TRAPPC9: variants seen among roughly 807,000 people sequenced by gnomAD.
TRAPPC9 encodes IKK2 binding protein.
Under a neutral mutation model 124.0 loss-of-function variants are expected in TRAPPC9, and 83 were observed. The ratio of observed to expected loss-of-function variants is 0.67; its 90% CI spans 0.56 to 0.80. TRAPPC9 has a LOEUF of 0.80. Among genes scored for constraint, TRAPPC9 ranks in the 30% least tolerant of loss-of-function variants. The probability of loss-of-function intolerance (pLI) is 0.00; values close to 1 mark genes in which losing one functional copy is unlikely to be tolerated. For synonymous variants in TRAPPC9, 638 were observed against 617.5 expected, an observed-to-expected ratio of 1.03 and a Z score of -0.49; for missense variants, 1,302 against 1,508.3, an observed-to-expected ratio of 0.86 and a Z score of 2.27.
intron 2 of TRAPPC9, 90 bp from the exon 3 acceptor site, chr8:140,439,287 T>A: frequency 7.0e-7 from 1 of 1,429,608 alleles, no homozygotes; most frequent in Admixed American, 1.8e-5. Context: ...CTCTCACTAC[T>A]AAAAATGCTA....
At chr8:139,989,222 C>T (rs1156592500) in intron 18 of TRAPPC9, among the ~76,000 whole-genome samples, 1 of 152,220 alleles carries the variant, frequency 6.6e-6, no homozygotes, top group African/African-American at 2.4e-5. Flanking sequence ...GCATACAGTG[C>T]CATTCAAGGA....
intron 21 of TRAPPC9, among the ~76,000 whole-genome samples, chr8:139,767,239 G>C (rs940401788): frequency 6.6e-6 from 1 of 152,230 alleles, no homozygotes; most frequent in African/African-American, 2.4e-5. Context: ...CACACAGCTA[G>C]ACAGGGTACA....
intron 17 of TRAPPC9, among the ~76,000 whole-genome samples, chr8:140,028,966 T>A (rs934778334): frequency 3.9e-5 from 6 of 152,134 alleles, no homozygotes; most frequent in Non-Finnish European, 8.8e-5. Flanking sequence ...TCAATAAATG[T>A]GACAATCCTC....
At chr8:139,971,511 T>A (rs1372065473) in intron 19 of TRAPPC9, among the ~76,000 whole-genome samples, 1 of 151,916 alleles carries the variant, frequency 6.6e-6, no homozygotes, top group Non-Finnish European at 1.5e-5. Flanking sequence ...GGCTGGAGGA[T>A]GAGCCCCTCC....
At chr8:140,272,761 G>A (rs1020185854) in intron 15 of TRAPPC9, among the ~76,000 whole-genome samples, 23 of 151,970 alleles carry the variant, frequency 1.5e-4, no homozygotes, top group East Asian at 5.8e-4. Flanking sequence ...AGGCTCTTTC[G>A]AACAACCAGC....
intron 21 of TRAPPC9, among the ~76,000 whole-genome samples, chr8:139,741,551 T>C (rs191898998): frequency 3.3e-5 from 5 of 152,266 alleles, no homozygotes; most frequent in African/African-American, 1.2e-4. Flanking sequence ...AATTCACCCA[T>C]TTAAAGTGTA....
rs1015824021 is a variant in TRAPPC9 at position 140,451,212 on chromosome 8, G to A, written c.162C>T (p.Tyr54=). ...GTGGGTAGTGGTGCCTGTAGCGGAT[G>A]TAGAGGACTCGCTGGGAGTCCCGCA... ...ISVRDSQRVL[Y]IRYRHHYPPE... Residue 54 remains tyrosine, a synonymous_variant, in exon 2 of 23, where the codon TAC becomes TAT. Coordinates refer to ENST00000438773, the MANE Select transcript of TRAPPC9 (RefSeq NM_001160372.4). The A allele has an allele frequency of 1.2e-6, 2 of 1,614,158 alleles. No individual in the cohort carries two copies. Among genetic ancestry groups the A allele is most frequent in the Non-Finnish European group, 1.7e-6 (2 of 1,180,030 alleles).
chr8:140,099,465 C>CACAGGG (rs1367134605), intron 17 of TRAPPC9: 2 of 150,454 alleles, frequency 1.3e-5, no homozygotes, highest in East Asian at 4.0e-4. Context: ...CACAGCCTTC[C>CACAGGG]ACAGGGGACG....
chr8:140,042,205 ATGTG>A (rs57584807), intron 17 of TRAPPC9, among the ~76,000 whole-genome samples: 82,117 of 149,438 alleles, frequency 0.55, 22,754 homozygotes, highest in Non-Finnish European at 0.63. Context: ...AAAAAAGTGT[ATGTG>A]TGTGTGTGTG....
chr8:139,956,158 G>GTT (rs201084542), intron 19 of TRAPPC9, among the ~76,000 whole-genome samples: 2 of 147,590 alleles, frequency 1.4e-5, no homozygotes, highest in Non-Finnish European at 1.5e-5. Flanking sequence ...ATGTTGTTTC[G>GTT]TTTTTTTTTT....
chr8:140,425,967 G>A (rs1250111517), intron 5 of TRAPPC9, among the ~76,000 whole-genome samples: 13 of 152,356 alleles, frequency 8.5e-5, no homozygotes, highest in African/African-American at 1.2e-4. Flanking sequence ...CAAGATGCAC[G>A]AGGCGATGAA....
intron 17 of TRAPPC9, among the ~76,000 whole-genome samples, chr8:140,127,986 T>G (rs2061129418): frequency 6.6e-6 from 1 of 152,244 alleles, no homozygotes; most frequent in Admixed American, 6.5e-5. Context: ...GGGTGAGTTA[T>G]AAACCAACAG....
intron 18 of TRAPPC9, among the ~76,000 whole-genome samples, chr8:139,990,958 CAGTTG>C (rs892704011): frequency 6.6e-6 from 1 of 152,140 alleles, no homozygotes; most frequent in African/African-American, 2.4e-5. Flanking sequence ...CAGCTCCCAT[CAGTTG>C]AGTCTGGGTT....
At chr8:140,095,724 G>A (rs1844895692) in intron 17 of TRAPPC9, 1 of 152,210 alleles carries the variant, frequency 6.6e-6, no homozygotes, top group Non-Finnish European at 1.5e-5. Flanking sequence ...CTGAGAAGAG[G>A]GTCTTGGGAG....
At chr8:139,926,907 C>T (rs1832853847) in intron 19 of TRAPPC9, among the ~76,000 whole-genome samples, 1 of 152,134 alleles carries the variant, frequency 6.6e-6, no homozygotes, top group African/African-American at 2.4e-5. Flanking sequence ...AATCACAACA[C>T]ATTGATTAGA....
At chr8:140,434,996 A>G (rs2070762390) in intron 4 of TRAPPC9, 116 bp downstream of exon 4, 3 of 1,515,838 alleles carry the variant, frequency 2.0e-6, no homozygotes, top group South Asian at 2.5e-5. Context: ...TACTGACTCA[A>G]CAGATTTTAC....
chr8:140,025,654 A>G (rs1424117505), intron 17 of TRAPPC9, among the ~76,000 whole-genome samples: 1 of 152,170 alleles, frequency 6.6e-6, no homozygotes, highest in East Asian at 1.9e-4. Context: ...TATGTATCTC[A>G]CTAGATTCGT....
At chr8:139,739,083 C>T (rs1001351974) in intron 21 of TRAPPC9, among the ~76,000 whole-genome samples, 5 of 152,192 alleles carry the variant, frequency 3.3e-5, no homozygotes, top group Admixed American at 1.3e-4. Flanking sequence ...GCCTCAGGCC[C>T]GTGCTCCTCT....
At chr8:139,925,831 A>ACGCACACG (rs1265877474) in intron 19 of TRAPPC9, among the ~76,000 whole-genome samples, 143 of 41,468 alleles carry the variant, frequency 3.4e-3, no homozygotes, top group African/African-American at 0.012. Context: ...GCACACGCAC[A>ACGCACACG]CACACACACA....
Sources: allele counts gnomAD v4.1 joint callset (sites outside exome capture counted in the v4.1 genomes callset), GRCh38; gene constraint gnomAD v4.1.1; transcripts MANE v1.5; gene names NCBI Gene and HGNC (gene_info 2026-07-23, HGNC 2026-07-21).